The following TRMT61B variants were observed in gnomAD, a reference collection of about 807,000 sequenced individuals.
TRMT61B encodes tRNA (adenine(58)-N(1))-methyltransferase, mitochondrial.
TRMT61B carries 56 observed loss-of-function variants against 52.0 expected under a neutral mutation model. The ratio of observed to expected loss-of-function variants is 1.08; its 90% CI spans 0.87 to 1.35. TRMT61B has a LOEUF of 1.35. Among genes scored for constraint, TRMT61B ranks in the 40% most tolerant of loss-of-function variants. The pLI is 0.00. For missense variants in TRMT61B, 650 were observed against 577.9 expected, an observed-to-expected ratio of 1.12 and a Z score of -1.28; for synonymous variants, 206 against 220.0, an observed-to-expected ratio of 0.94 and a Z score of 0.56.
At chr2:28,860,664 C>T (rs1274931560) in intron 3 of TRMT61B, among the ~76,000 whole-genome samples, 2 of 152,186 alleles carry the variant, frequency 1.3e-5, no homozygotes, top group African/African-American at 2.4e-5. Context: ...CCTCTGTCCT[C>T]GACATCTTCA....
At chr2:28,850,715 C>T in intron 5 of TRMT61B, 1 of 314,618 alleles carries the variant, frequency 3.2e-6, no homozygotes, top group Non-Finnish European at 5.7e-6. Flanking sequence ...TCAAGAATTC[C>T]AGCAGCATCT....
At chr2:28,852,593 GC>G in intron 3 of TRMT61B, 94 bp from the exon 4 acceptor site, 1 of 762,404 alleles carries the variant, frequency 1.3e-6, no homozygotes, top group East Asian at 2.6e-5. Flanking sequence ...CTTTTGGACA[GC>G]AATCAAAGTA....
Position 28,849,990 on chromosome 2 carries a change from C to T in TRMT61B, c.*209G>A, listed in dbSNP as rs1209987987. On this transcript the variant is annotated 3_prime_UTR_variant, in exon 7 of 7. Coordinates refer to ENST00000306108, the MANE Select transcript of TRMT61B (RefSeq NM_017910.4). The stretch of plus-strand genomic sequence containing the variant: ...GAATCATTAACTACAAAATGTCAAA[C>T]TAACTGCAAGACAAGTGTCAAAATG... 2 of 1,410,374 alleles carry T rather than the reference C, an allele frequency of 1.4e-6. No homozygotes were observed. The highest frequency in any genetic ancestry group is 9.9e-7 in the Non-Finnish European group (1 of 1,014,386). The allele number at this position is 1,410,374 out of a possible 1,614,324, so 87.4% of individuals were successfully genotyped here. A position where few individuals can be genotyped will look rare whatever the true frequency, so the allele number is the denominator to read the frequency against.
At chr2:28,864,081 C>T (rs898107818) in intron 2 of TRMT61B, among the ~76,000 whole-genome samples, 17 of 152,092 alleles carry the variant, frequency 1.1e-4, no homozygotes, top group Admixed American at 3.9e-4. Context: ...TCAAGCAGTA[C>T]TTTTACCAAC....
chr2:28,860,140 CGT>C (rs1669536638), intron 3 of TRMT61B, among the ~76,000 whole-genome samples: 1 of 151,322 alleles, frequency 6.6e-6, no homozygotes, highest in Non-Finnish European at 1.5e-5. Flanking sequence ...GCCATGGTGG[CGT>C]GCACCTGTAA....
intron 4 of TRMT61B, among the ~76,000 whole-genome samples, chr2:28,851,896 A>AC (rs1558337956): frequency 3.3e-5 from 5 of 149,458 alleles, no homozygotes; most frequent in African/African-American, 1.3e-4. Context: ...AAAAAAAAAA[A>AC]AAAAACGAAA....
chr2:28,859,803 G>C (rs906836412), intron 3 of TRMT61B, among the ~76,000 whole-genome samples: 4 of 151,954 alleles, frequency 2.6e-5, no homozygotes, highest in African/African-American at 9.7e-5. Context: ...ATTTAATCTC[G>C]CAGGTATTTT....
chr2:28,861,361 G>A, intron 2 of TRMT61B, 53 bp from the exon 3 acceptor site: 1 of 1,403,398 alleles, frequency 7.1e-7, no homozygotes, highest in South Asian at 1.5e-5. Context: ...TTATTAAAAA[G>A]TGTCAAAAAT....
At chr2:28,859,660 T>A (rs1275057687) in intron 3 of TRMT61B, among the ~76,000 whole-genome samples, 6 of 152,070 alleles carry the variant, frequency 3.9e-5, no homozygotes, top group Non-Finnish European at 7.4e-5. Flanking sequence ...CAAGAGAGAT[T>A]CAGCTGAATA....
chr2:28,860,790 G>A (rs145202791), intron 3 of TRMT61B, among the ~76,000 whole-genome samples: 3 of 152,214 alleles, frequency 2.0e-5, no homozygotes, highest in African/African-American at 4.8e-5. Context: ...GTTAGGTGCC[G>A]GGTTCAATAT....
chr2:28,856,945 A>G (rs1207245249), intron 3 of TRMT61B, among the ~76,000 whole-genome samples: 3 of 150,442 alleles, frequency 2.0e-5, no homozygotes, highest in African/African-American at 7.3e-5. Context: ...AATTTAATTT[A>G]ATTTTTGAGA....
intron 3 of TRMT61B, among the ~76,000 whole-genome samples, chr2:28,856,509 T>C (rs191069761): frequency 8.5e-5 from 13 of 152,352 alleles, no homozygotes; most frequent in Admixed American, 5.9e-4. Flanking sequence ...CTTTCTTTAT[T>C]ATCTAGCCCC....
intron 3 of TRMT61B, among the ~76,000 whole-genome samples, chr2:28,854,289 G>A (rs1669244322): frequency 6.6e-6 from 1 of 152,100 alleles, no homozygotes; most frequent in Non-Finnish European, 1.5e-5. Flanking sequence ...AGGACAGAGG[G>A]TGGTGAGTGA....
At chr2:28,861,044 C>A in intron 3 of TRMT61B, 74 bp downstream of exon 3, 2 of 1,261,170 alleles carry the variant, frequency 1.6e-6, no homozygotes, top group East Asian at 2.5e-5. Context: ...GACCTTTGCC[C>A]ATACAAAAGA....
chr2:28,856,266 TTC>T (rs1669336273), intron 3 of TRMT61B, among the ~76,000 whole-genome samples: 2 of 152,260 alleles, frequency 1.3e-5, no homozygotes, highest in African/African-American at 4.8e-5. Context: ...GTTTTGGTGC[TTC>T]TGTTTGAATT....
At position 28,870,180 on chromosome 2, in the gene TRMT61B, T is replaced by G; in HGVS notation, c.98A>C (p.Glu33Ala). 6.2e-7 allele frequency: 1 copy of G among 1,613,314 alleles called. No homozygotes were observed. The highest frequency in any genetic ancestry group is 8.5e-7 in the Non-Finnish European group (1 of 1,180,004). Reference protein sequence around the residue: ...FLHGLGQEPFEGARSLCCRSS... With the variant: ...FLHGLGQEPFAGARSLCCRSS... ...CCTGCAACACAGTGACCGAGCTCCC[T>G]CGAAGGGCTCCTGCCCCAGGCCGTG... Residue 33 changes from glutamate to alanine, a missense_variant, in exon 1 of 7, where the codon GAG (glutamate) becomes GCG (alanine). By Grantham distance (107) the Glu-to-Ala change is moderately radical (BLOSUM62 -1). Coordinates refer to ENST00000306108, the MANE Select transcript of TRMT61B (RefSeq NM_017910.4).
At chr2:28,869,260 A>G (rs1432890428) in intron 1 of TRMT61B, among the ~76,000 whole-genome samples, 1 of 152,222 alleles carries the variant, frequency 6.6e-6, no homozygotes, top group Non-Finnish European at 1.5e-5. Flanking sequence ...TATAAACTTA[A>G]GAGTAATGGG....
chr2:28,851,190 T>C lies in TRMT61B; in HGVS notation c.1194A>G (p.Ala398=). Residue 398 remains alanine, a synonymous_variant, in exon 5 of 7, where the codon GCA becomes GCG. Transcript: ENST00000306108. ...VIVRDWLVCL[A]KQKNGILAQK... is the part of the protein sequence containing the mutation. ...GAGCTAAAATTCCATTTTTCTGTTT[T>C]GCAAGGCAAACCAACCAATCTCTGA... 2 of 1,613,718 alleles carry C rather than the reference T, an allele frequency of 1.2e-6. No individual in the cohort carries two copies. The highest frequency in any genetic ancestry group is 1.7e-6 in the Non-Finnish European group (2 of 1,179,872).
intron 2 of TRMT61B, 124 bp downstream of exon 2, chr2:28,864,893 A>G: frequency 1.7e-6 from 1 of 591,458 alleles, no homozygotes; most frequent in South Asian, 2.2e-5. Flanking sequence ...GCTTACTTTC[A>G]GATTCTAGGA....
Sources: allele counts gnomAD v4.1 joint callset (sites outside exome capture counted in the v4.1 genomes callset), GRCh38; gene constraint gnomAD v4.1.1; transcripts MANE v1.5; gene names NCBI Gene and HGNC (gene_info 2026-07-23, HGNC 2026-07-21).